URB1: variants seen among roughly 807,000 people sequenced by gnomAD.
The protein encoded by URB1 is nucleolar pre-ribosomal-associated protein 1.
Under a neutral mutation model 242.3 loss-of-function variants are expected in URB1, and 197 were observed. The observed-to-expected ratio is 0.81, with a 90% confidence interval of 0.72 to 0.91. The LOEUF (loss-of-function observed/expected upper bound fraction) is 0.91. Among genes scored for constraint, URB1 ranks in the 40% least tolerant of loss-of-function variants. URB1 has a pLI of 0.00. For synonymous variants in URB1, 1,153 were observed against 1,201.8 expected, an observed-to-expected ratio of 0.96 and a Z score of 0.84; for missense variants, 2,721 against 2,860.5, an observed-to-expected ratio of 0.95 and a Z score of 1.11.
intron 1 of URB1, among the ~76,000 whole-genome samples, chr21:32,392,480 C>CA (rs2033650730): frequency 6.6e-6 from 1 of 152,156 alleles, no homozygotes; most frequent in Non-Finnish European, 1.5e-5. Context: ...CTGACAACTG[C>CA]AATAAAGAGG....
rs1366266517 is a variant in URB1 at position 32,378,425 on chromosome 21, G to A, written c.664+20C>T. 14 of 1,545,320 alleles carry A rather than the reference G, an allele frequency of 9.1e-6. No individual in the cohort carries two copies. The highest frequency in any genetic ancestry group is 3.6e-5 in the South Asian group (3 of 83,886). ...TTCAAAACAAATGGGCTTTCCTAAC[G>A]GACAAGGGAGTACACCTACCTTTCA... On this transcript the variant is annotated intron_variant, in intron 5 of 38. Coordinates refer to ENST00000382751, the MANE Select transcript of URB1 (RefSeq NM_014825.3).
At chr21:32,392,363 G>C (rs2033649043) in intron 1 of URB1, among the ~76,000 whole-genome samples, 1 of 152,206 alleles carries the variant, frequency 6.6e-6, no homozygotes, top group African/African-American at 2.4e-5. Flanking sequence ...GGGGATGGAA[G>C]CTATTGAAAA....
At chr21:32,339,040 G>T in intron 25 of URB1, 140 bp from the exon 26 acceptor site, 1 of 953,222 alleles carries the variant, frequency 1.0e-6, no homozygotes. Context: ...TATTGCCCAG[G>T]CTGGAGTACA....
intron 28 of URB1, chr21:32,335,778 T>A (rs1224331046): frequency 6.6e-6 from 1 of 152,588 alleles, no homozygotes; most frequent in African/African-American, 2.4e-5. Flanking sequence ...CTCCCCGAGC[T>A]CAGGCCTGCT....
chr21:32,324,628 ATGTAAGATGAGCG>A, intron 31 of URB1, 26 bp from the exon 32 acceptor site: 3 of 1,501,002 alleles, frequency 2.0e-6, no homozygotes, highest in Non-Finnish European at 1.8e-6. Context: ...GAAAAGGAAA[ATGTAAGATGAGCG>A]TGTTCAGAGC....
At chr21:32,339,917 C>T (rs560665459) in intron 25 of URB1, among the ~76,000 whole-genome samples, 9 of 152,320 alleles carry the variant, frequency 5.9e-5, no homozygotes, top group Non-Finnish European at 1.2e-4. Flanking sequence ...TCACCTTGCC[C>T]GGCCTCCCTC....
rs1346192258 is a variant in URB1 at position 32,321,853 on chromosome 21, A to C, written c.5432T>G (p.Phe1811Cys). Residue 1811 changes from phenylalanine to cysteine, a missense_variant, in exon 34 of 39, where the codon TTC (phenylalanine) becomes TGC (cysteine). Coordinates refer to ENST00000382751, the MANE Select transcript of URB1 (RefSeq NM_014825.3). ...CYELCARRGIFHIILSFFHSP... is the reference protein window; with the variant it reads ...CYELCARRGICHIILSFFHSP... ...GTGGAAGAAGGACAGGATGATGTGGAAGATGCCACGCCGGGCACACAGTTC... is the reference window on the plus strand; with the variant it reads ...GTGGAAGAAGGACAGGATGATGTGGCAGATGCCACGCCGGGCACACAGTTC... The C allele has an allele frequency of 1.3e-6, 2 of 1,551,752 alleles. No homozygotes were observed. Among genetic ancestry groups the C allele is most frequent in the Admixed American group, 2.0e-5 (1 of 51,014 alleles).
At chr21:32,317,630 G>A in intron 37 of URB1, 46 bp downstream of exon 37, 1 of 1,543,284 alleles carries the variant, frequency 6.5e-7, no homozygotes, top group Non-Finnish European at 8.8e-7. Flanking sequence ...CAGGGTGAGA[G>A]AGACATGTTG....
chr21:32,345,541 G>T lies in URB1; in HGVS notation c.3903C>A (p.Thr1301=). Reference sequence around the variant, plus strand: ...GCCTGCTCTGTAGCTGCCTCCACAGGGTCTTCCTCAAGACAGGAATGACAG... The same window carrying T: ...GCCTGCTCTGTAGCTGCCTCCACAGTGTCTTCCTCAAGACAGGAATGACAG... ...SSAVIPVLRK[T]LWRQLQSRLL... The change falls in exon 23 of 39, where the codon ACC becomes ACA. Residue 1301 remains threonine, a synonymous_variant. Transcript: ENST00000382751. 1 of 1,548,092 alleles carries T rather than the reference G, an allele frequency of 6.5e-7. No homozygotes were observed. The highest frequency in any genetic ancestry group is 1.4e-5 in the African/African-American group (1 of 73,078).
At chr21:32,391,746 C>T (rs980419097) in intron 1 of URB1, among the ~76,000 whole-genome samples, 1 of 151,884 alleles carries the variant, frequency 6.6e-6, no homozygotes, top group African/African-American at 2.4e-5. Context: ...GGTGTGGTGG[C>T]TCATACCTAT....
intron 21 of URB1, among the ~76,000 whole-genome samples, 174 bp downstream of exon 21, chr21:32,349,130 C>A (rs1407071238): frequency 1.3e-5 from 2 of 152,252 alleles, no homozygotes; most frequent in African/African-American, 4.8e-5. Flanking sequence ...GAAAGAGAAG[C>A]CCAAATTAAA....
intron 1 of URB1, among the ~76,000 whole-genome samples, chr21:32,386,780 AT>A (rs1040221247): frequency 3.3e-5 from 5 of 152,102 alleles, no homozygotes; most frequent in South Asian, 2.1e-4. Flanking sequence ...AGGTATGAGT[AT>A]TTTTTTCCCT....
chr21:32,370,402 T>C (rs984335444), intron 8 of URB1, among the ~76,000 whole-genome samples: 2 of 152,110 alleles, frequency 1.3e-5, no homozygotes, highest in African/African-American at 4.8e-5. Flanking sequence ...ACAAAATAGT[T>C]TGTACTGTCA....
In URB1 at chr21:32,321,909, C is replaced by T; in HGVS notation, c.5376G>A (p.Leu1792=). The T allele has an allele frequency of 6.4e-7, 1 of 1,551,672 alleles. No homozygotes were observed. The highest frequency in any genetic ancestry group is 8.7e-7 in the Non-Finnish European group (1 of 1,146,980). The part of the protein sequence containing the change: ...KTEQKWVFGV[L]RQGIRDKQCY... ...ACTGCTTGTCACGGATCCCCTGCCG[C>T]AGAACGCCAAACACCCACTTCTGCT... is the stretch of plus-strand genomic sequence containing the variant. The change falls in exon 34 of 39, where the codon CTG becomes CTA. Residue 1792 remains leucine (L), a synonymous_variant. Transcript: ENST00000382751.
chr21:32,383,561 A>AG lies in URB1; in HGVS notation c.435-8dup. On this transcript the variant is annotated splice_polypyrimidine_tract_variant and splice_region_variant and intron_variant, in intron 3 of 38. Transcript: ENST00000382751. ...CAGGCAGGCGCGAGCCAACCTGCAC[A>AG]GGGAACCAGAGGAAATCGGACACGT... 6.5e-7 allele frequency: 1 copy of AG among 1,549,038 alleles called. No individual in the cohort carries two copies. The highest frequency in any genetic ancestry group is 1.4e-5 in the African/African-American group (1 of 72,972).
At position 32,314,604 on chromosome 21, in the gene URB1, C is replaced by T. The variant is rs1439147855; in HGVS notation, c.*314G>A. ...TCAGAAGTGCTGCCTCAAACTCGAG[C>T]TATTTCCTGTGATGAGCTCCAAGCC... On this transcript the variant is annotated 3_prime_UTR_variant, in exon 39 of 39. Coordinates refer to ENST00000382751, the MANE Select transcript of URB1 (RefSeq NM_014825.3). 2.5e-6 allele frequency: 4 copies of T among 1,614,090 alleles called. No homozygotes were observed. In the African/African-American group the frequency reaches 5.3e-5, roughly 22 times the overall value.
Position 32,347,548 on chromosome 21 carries a change from C to G in URB1, c.3276G>C (p.Ala1092=), listed in dbSNP as rs568281915. The part of the protein sequence containing the change: ...SVLKELQNRR[A]GPATSPPKTP... ...TCTTTGGTGGTGATGTGGCCGGGCC[C>G]GCCCTCCTGTTCTGAAGTTCCTTCA... Residue 1092 remains alanine (A), a synonymous_variant, in exon 22 of 39, where the codon GCG becomes GCC. Coordinates refer to ENST00000382751, the MANE Select transcript of URB1 (RefSeq NM_014825.3). The G allele has an allele frequency of 2.7e-4, 419 of 1,551,204 alleles. 1 individual carries two copies. The highest frequency in any genetic ancestry group is 1.5e-3 in the Middle Eastern group (9 of 5,988).
chr21:32,378,184 G>A (rs758775074), intron 5 of URB1, among the ~76,000 whole-genome samples: 1 of 152,150 alleles, frequency 6.6e-6, no homozygotes, highest in East Asian at 1.9e-4. Context: ...TCTGAAGTCT[G>A]CATTTATCCT....
Position 32,325,995 on chromosome 21 carries a change from C to G in URB1, c.4961-606G>C, listed in dbSNP as rs561624336. On this transcript the variant is annotated intron_variant, in intron 30 of 38. Transcript: ENST00000382751. ...AGCTACGGTCCAGAGAGCCTGTTGG[C>G]TGGTATCCATTTGCCATTTGTGAGG... Among the ~76,000 whole-genome samples the G allele has an allele frequency of 2.5e-4, 38 of 152,280 alleles. No homozygotes were observed. In the East Asian group the frequency reaches 2.7e-3, roughly 11 times the overall value.
Sources: allele counts gnomAD v4.1 joint callset (sites outside exome capture counted in the v4.1 genomes callset), GRCh38; gene constraint gnomAD v4.1.1; transcripts MANE v1.5; gene names NCBI Gene and HGNC (gene_info 2026-07-23, HGNC 2026-07-21).